The following NCOA2 variants were observed in gnomAD, a reference collection of about 807,000 sequenced individuals.
NCOA2 encodes nuclear receptor coactivator 2.
In NCOA2, 21 loss-of-function variants were observed where a neutral mutation model predicts 145.1. That is an observed-to-expected ratio of 0.14 (90% CI 0.10 to 0.21). The LOEUF (loss-of-function observed/expected upper bound fraction) is 0.21. Ranked by LOEUF, NCOA2 falls within the 10% of genes least tolerant of loss-of-function variation. The probability of loss-of-function intolerance (pLI) is 1.00; values close to 1 mark genes in which losing one functional copy is unlikely to be tolerated. For missense variants in NCOA2, 1,472 were observed against 1,837.6 expected, an observed-to-expected ratio of 0.80 and a Z score of 3.64; for synonymous variants, 619 against 637.5, an observed-to-expected ratio of 0.97 and a Z score of 0.44.
chr8:70,296,821 T>C (rs1586406618), intron 1 of NCOA2, 21 bp from the exon 2 acceptor site: 1 of 151,998 alleles, frequency 6.6e-6, no homozygotes, highest in South Asian at 2.1e-4. Context: ...AACAAACAAA[T>C]AAACGTGAAT....
intron 12 of NCOA2, among the ~76,000 whole-genome samples, chr8:70,146,440 A>G (rs1393617885): frequency 6.6e-6 from 1 of 152,234 alleles, no homozygotes; most frequent in Non-Finnish European, 1.5e-5. Context: ...TTCCTGAATT[A>G]TATAAACATA....
chr8:70,315,745 A>G lies in NCOA2; in HGVS notation c.-76-18945T>C, dbSNP rs188355272. Among the ~76,000 whole-genome samples, 7 of 152,350 alleles carry G rather than the reference A, an allele frequency of 4.6e-5. No individual in the cohort carries two copies. In the East Asian group the frequency reaches 1.2e-3, roughly 25 times the overall value. On this transcript the variant is annotated intron_variant, in intron 1 of 22. Transcript: ENST00000452400. ...AGGCAGGAGGAAGGCACCATTCTCT[A>G]TAAGAAGTGATTTTGCAACACTAAT...
chr8:70,364,918 G>C (rs1418016294), intron 1 of NCOA2, among the ~76,000 whole-genome samples: 1 of 151,666 alleles, frequency 6.6e-6, no homozygotes, highest in Non-Finnish European at 1.5e-5. Context: ...CTCTGATGTG[G>C]TTCCAAGTGT....
intron 5 of NCOA2, among the ~76,000 whole-genome samples, chr8:70,174,401 C>T (rs1048122538): frequency 2.0e-5 from 3 of 152,278 alleles, no homozygotes; most frequent in Non-Finnish European, 4.4e-5. Flanking sequence ...GGCATTTGTA[C>T]ATGGCATGTA....
At chr8:70,342,115 T>TA (rs1435103814) in intron 1 of NCOA2, among the ~76,000 whole-genome samples, 1 of 152,208 alleles carries the variant, frequency 6.6e-6, no homozygotes, top group African/African-American at 2.4e-5. Context: ...TGAGCTGATA[T>TA]TACATGCGTA....
At chr8:70,321,791 ACC>A (rs1248830001) in intron 1 of NCOA2, among the ~76,000 whole-genome samples, 2 of 88,766 alleles carry the variant, frequency 2.3e-5, no homozygotes, top group African/African-American at 9.6e-5. Flanking sequence ...TTCAGAATAT[ACC>A]TTTTTTTTTT....
chr8:70,268,077 T>C (rs1824755467), intron 2 of NCOA2, among the ~76,000 whole-genome samples: 1 of 152,222 alleles, frequency 6.6e-6, no homozygotes, highest in Admixed American at 6.5e-5. Context: ...CTGGATGCAG[T>C]TGCCCACAAG....
At chr8:70,424,946 T>C in the NCOA2 span, among the ~76,000 whole-genome samples, 15 of 151,864 alleles carry the variant, frequency 9.9e-5, no homozygotes, top group Non-Finnish European at 2.1e-4. Flanking sequence ...ATGGGTGGAG[T>C]GTTCAAATGT....
intron 1 of NCOA2, among the ~76,000 whole-genome samples, chr8:70,310,855 A>T (rs747645375): frequency 1.3e-5 from 2 of 152,224 alleles, no homozygotes; most frequent in Non-Finnish European, 2.9e-5. Flanking sequence ...AATTATTCAC[A>T]CCTTTCTATT....
At chr8:70,282,019 T>A (rs143360508) in intron 2 of NCOA2, among the ~76,000 whole-genome samples, 1 of 152,242 alleles carries the variant, frequency 6.6e-6, no homozygotes, top group Non-Finnish European at 1.5e-5. Flanking sequence ...TGTAGGAATA[T>A]CATTCTGAAT....
At chr8:70,215,934 A>G (rs1247095923) in intron 3 of NCOA2, among the ~76,000 whole-genome samples, 7 of 152,130 alleles carry the variant, frequency 4.6e-5, no homozygotes, top group Non-Finnish European at 7.4e-5. Flanking sequence ...TTTCATATTA[A>G]CCCATAAAGA....
intron 1 of NCOA2, among the ~76,000 whole-genome samples, chr8:70,342,832 G>A (rs1808271239): frequency 7.2e-6 from 1 of 139,342 alleles, no homozygotes; most frequent in Non-Finnish European, 1.5e-5. Flanking sequence ...TCCCTACATG[G>A]TTAGAAAATC....
the NCOA2 span, among the ~76,000 whole-genome samples, chr8:70,418,605 C>T: frequency 6.6e-6 from 1 of 152,188 alleles, no homozygotes; most frequent in Non-Finnish European, 1.5e-5. Flanking sequence ...TGGCACCATT[C>T]CCTAATCAGC....
At chr8:70,249,421 C>A (rs533067417) in intron 2 of NCOA2, among the ~76,000 whole-genome samples, 28 of 152,324 alleles carry the variant, frequency 1.8e-4, no homozygotes, top group Non-Finnish European at 3.8e-4. Context: ...TGCCCGAATA[C>A]ATATGCCAGA....
chr8:70,147,712 G>A lies in NCOA2; in HGVS notation c.2605+561C>T, dbSNP rs1273152356. ...TACATTTAGAAACGTAAAGTTCCAC[G>A]TCAAGTGATGTTTATATGAAGATTC... On this transcript the variant is annotated intron_variant, in intron 12 of 22. Transcript: ENST00000452400. Among the ~76,000 whole-genome samples, 13 of 152,278 alleles carry A rather than the reference G, an allele frequency of 8.5e-5. No homozygotes were observed. The East Asian group carries it at 1.2e-3, about 14-fold the overall frequency.
chr8:70,311,354 AAACT>A (rs1805104873), intron 1 of NCOA2, among the ~76,000 whole-genome samples: 1 of 152,222 alleles, frequency 6.6e-6, no homozygotes, highest in Non-Finnish European at 1.5e-5. Context: ...ACAGAATTAT[AAACT>A]AACTTGTATT....
rs530346669 is a variant in NCOA2 at position 70,259,644 on chromosome 8, A to G, written c.-20+37100T>C. Among the ~76,000 whole-genome samples, 17 of 152,344 alleles carry G rather than the reference A, an allele frequency of 1.1e-4. No individual in the cohort carries two copies. The South Asian group carries it at 3.5e-3, about 32-fold the overall frequency. On this transcript the variant is annotated intron_variant, in intron 2 of 22. Coordinates refer to ENST00000452400, the MANE Select transcript of NCOA2 (RefSeq NM_006540.4). ...TATATAGAGCAATTATGTACGTAAA[A>G]CTTTACCATGATTTAAATATATAAA...
intron 1 of NCOA2, among the ~76,000 whole-genome samples, chr8:70,348,166 T>C (rs2136619548): frequency 6.6e-6 from 1 of 152,298 alleles, no homozygotes; most frequent in East Asian, 1.9e-4. Context: ...TTGTGGGTCA[T>C]AAAGCCTAGC....
At chr8:70,282,371 C>T (rs1409169579) in intron 2 of NCOA2, among the ~76,000 whole-genome samples, 2 of 152,174 alleles carry the variant, frequency 1.3e-5, no homozygotes, top group East Asian at 1.9e-4. Context: ...GTCTTTTCTA[C>T]TAATTAATTA....
Sources: gnomAD v4.1 joint callset for allele counts (sites outside exome capture counted in the v4.1 genomes callset) on GRCh38, gnomAD v4.1.1 for gene constraint, MANE v1.5 for transcripts, NCBI Gene and HGNC (gene_info 2026-07-23, HGNC 2026-07-21) for gene names.